Variants in TMC5 observed in about 807,000 individuals in gnomAD.
TMC5 encodes transmembrane channel-like protein 5.
Under a neutral mutation model 110.5 loss-of-function variants are expected in TMC5, and 86 were observed. The ratio of observed to expected loss-of-function variants is 0.78; its 90% CI spans 0.65 to 0.93. TMC5 has a LOEUF of 0.93. Among genes scored for constraint, TMC5 ranks in the 40% least tolerant of loss-of-function variants. TMC5 has a pLI of 0.00. For synonymous variants in TMC5, 455 were observed against 439.5 expected, an observed-to-expected ratio of 1.04 and a Z score of -0.44; for missense variants, 1,144 against 1,222.8, an observed-to-expected ratio of 0.94 and a Z score of 0.96.
chr16:19,473,183 T>A (rs2143649053), intron 11 of TMC5, among the ~76,000 whole-genome samples: 1 of 151,178 alleles, frequency 6.6e-6, no homozygotes, highest in Admixed American at 6.6e-5. Flanking sequence ...CCGTCTCTAC[T>A]AAAAATACAA....
Position 19,463,864 on chromosome 16 carries a change from T to C in TMC5, c.1325T>C (p.Phe442Ser). The C allele has an allele frequency of 6.2e-7, 1 of 1,614,210 alleles. No individual in the cohort carries two copies. The highest frequency in any genetic ancestry group is 8.5e-7 in the Non-Finnish European group (1 of 1,180,038). Residue 442 changes from phenylalanine (F) to serine (S), a missense_variant, in exon 8 of 22, where the codon TTT becomes TCT. By Grantham distance (155) the Phe-to-Ser change is radical. Transcript: ENST00000542583. ...ACGCTGAAGATCATTGGAGGCAAGT[T>C]TGGAACCAGCGTCCTCTCCTATTTC... is the stretch of plus-strand genomic sequence containing the variant. ...QKTLKIIGGK[F>S]GTSVLSYFNF...
At position 19,458,218 on chromosome 16, in the gene TMC5, G is replaced by A. The variant is rs531393426; in HGVS notation, c.1049-2017G>A. Among the ~76,000 whole-genome samples the A allele has an allele frequency of 7.2e-5, 11 of 152,062 alleles. No individual in the cohort carries two copies. The South Asian group carries it at 2.3e-3, about 32-fold the overall frequency. On this transcript the variant is annotated intron_variant, in intron 5 of 21. Transcript: ENST00000542583. ...TTCTTTTAATTTAATTTAATTTAAT[G>A]TATTTATTTGAGACAGAGTTTCACT...
rs1294856762 is a variant in TMC5, at chr16:19,497,104, GT to G, written c.2932-10del. 8.1e-6 allele frequency: 13 copies of G among 1,613,770 alleles called. No individual in the cohort carries two copies. The highest frequency in any genetic ancestry group is 1.1e-5 in the Non-Finnish European group (13 of 1,179,874). The stretch of plus-strand genomic sequence containing the variant: ...TTCTTCCTCCGTGACGTGGCTGCTT[GT>G]TTTTTTCTTTTTCAGCAACAAGGCT... On this transcript the variant is annotated splice_polypyrimidine_tract_variant and intron_variant, in intron 20 of 21. Coordinates refer to ENST00000542583, the MANE Select transcript of TMC5 (RefSeq NM_001261841.2).
chr16:19,434,395 A>ATATATCATATAGATCTATATATAATATAG (rs1567300681), intron 2 of TMC5, among the ~76,000 whole-genome samples: 6 of 6,770 alleles, frequency 8.9e-4, no homozygotes, highest in African/African-American at 3.1e-3. Flanking sequence ...ATATAGATAT[A>ATATATCATATAGATCTATATATAATATAG]ATATATATAT....
At chr16:19,489,054 C>T (rs935831769) in intron 17 of TMC5, among the ~76,000 whole-genome samples, 14 of 147,096 alleles carry the variant, frequency 9.5e-5, no homozygotes, top group Non-Finnish European at 1.8e-4. Flanking sequence ...TGCTCCACAA[C>T]GCCCTTGCTC....
intron 15 of TMC5, among the ~76,000 whole-genome samples, chr16:19,482,551 A>G (rs1968643933): frequency 6.6e-6 from 1 of 152,086 alleles, no homozygotes; most frequent in Non-Finnish European, 1.5e-5. Flanking sequence ...CACAATCTCC[A>G]CCTTTAACTG....
At chr16:19,426,935 A>C (rs1307795864) in intron 1 of TMC5, among the ~76,000 whole-genome samples, 1 of 152,144 alleles carries the variant, frequency 6.6e-6, no homozygotes, top group Non-Finnish European at 1.5e-5. Flanking sequence ...GGTTTAGTGA[A>C]TGAAAACTTC....
At chr16:19,480,528 G>A (rs1968591920) in intron 14 of TMC5, among the ~76,000 whole-genome samples, 1 of 152,036 alleles carries the variant, frequency 6.6e-6, no homozygotes, top group Non-Finnish European at 1.5e-5. Flanking sequence ...GGTTTGGCCG[G>A]GCACAGTGAC....
chr16:19,434,099 T>C (rs1477623918), intron 2 of TMC5, among the ~76,000 whole-genome samples: 1 of 24,832 alleles, frequency 4.0e-5, no homozygotes, highest in South Asian at 2.3e-3. Context: ...ATATCTATAA[T>C]ATATATATTA....
At chr16:19,465,891 G>A (rs1597196789) in intron 8 of TMC5, among the ~76,000 whole-genome samples, 191 bp from the exon 9 acceptor site, 1 of 152,296 alleles carries the variant, frequency 6.6e-6, no homozygotes, top group Non-Finnish European at 1.5e-5. Flanking sequence ...AGTTACACTG[G>A]ATTTCTTTTC....
chr16:19,440,743 A>T lies in TMC5; in HGVS notation c.705A>T (p.Pro235=), dbSNP rs2143467525. Residue 235 remains proline, a synonymous_variant, in exon 3 of 22, where the codon CCA becomes CCT. Transcript: ENST00000542583. The part of the protein sequence containing the change: ...YPSAEDNQNL[P]STWREPDYSD... ...GTGCTGAGGACAATCAGAACTTGCC[A>T]AGCACTTGGAGAGAACCTGATTATT... The T allele has an allele frequency of 1.2e-6, 2 of 1,614,170 alleles. No individual in the cohort carries two copies. The highest frequency in any genetic ancestry group is 2.2e-5 in the South Asian group (2 of 91,074).
intron 6 of TMC5, among the ~76,000 whole-genome samples, chr16:19,462,340 T>C (rs1266122357): frequency 2.0e-5 from 3 of 152,162 alleles, no homozygotes; most frequent in Admixed American, 2.0e-4. Context: ...ACTCCTTAGT[T>C]TCACAACCAG....
chr16:19,416,627 A>T (rs1442298678), upstream of TMC5, among the ~76,000 whole-genome samples: 8 of 152,208 alleles, frequency 5.3e-5, no homozygotes, highest in African/African-American at 1.9e-4. Context: ...GAGACATTAC[A>T]GTCTTAGAGT....
intron 19 of TMC5, 30 bp downstream of exon 19, chr16:19,492,258 G>A (rs199708121): frequency 9.9e-5 from 151 of 1,525,338 alleles, no homozygotes; most frequent in Middle Eastern, 5.1e-4. Flanking sequence ...TCTGATGTCC[G>A]CCCTCACCCT....
At chr16:19,463,220 T>C (rs951409832) in intron 6 of TMC5, 60 bp from the exon 7 acceptor site, 16 of 1,331,418 alleles carry the variant, frequency 1.2e-5, no homozygotes, top group Non-Finnish European at 1.6e-5. Flanking sequence ...ATGTAACTAT[T>C]TTTTGAATGA....
chr16:19,415,471 G>A (rs1200904654), upstream of TMC5, among the ~76,000 whole-genome samples: 5 of 152,072 alleles, frequency 3.3e-5, no homozygotes, highest in South Asian at 2.1e-4. Flanking sequence ...GATAGAAGCC[G>A]GACATACTGC....
chr16:19,463,823 C>T lies in TMC5; in HGVS notation c.1284C>T (p.Ile428=), dbSNP rs1188338803. The change falls in exon 8 of 22, where the codon ATC becomes ATT. Residue 428 remains isoleucine, a synonymous_variant. Transcript: ENST00000542583. ...KNSLSEILNS[I]SLWQKTLKII... is the part of the protein sequence containing the mutation. ...GCCTGTCGGAAATTCTGAATTCCAT[C>T]AGCCTGTGGCAGAAGACGCTGAAGA... The T allele has an allele frequency of 6.2e-7, 1 of 1,614,198 alleles. No homozygotes were observed. Among genetic ancestry groups the T allele is most frequent in the Non-Finnish European group, 8.5e-7 (1 of 1,180,020 alleles).
intron 2 of TMC5, among the ~76,000 whole-genome samples, chr16:19,432,399 C>G (rs1324875641): frequency 2.5e-5 from 1 of 40,090 alleles, no homozygotes; most frequent in Non-Finnish European, 4.8e-5. Context: ...TGAGGAGGTG[C>G]TAGAGAAAAA....
intron 6 of TMC5, among the ~76,000 whole-genome samples, chr16:19,460,670 G>T (rs1275888303): frequency 6.6e-6 from 1 of 152,150 alleles, no homozygotes; most frequent in Non-Finnish European, 1.5e-5. Context: ...TAAGTCATGT[G>T]ATGGGGGAAA....
Sources: allele counts gnomAD v4.1 joint callset (sites outside exome capture counted in the v4.1 genomes callset), GRCh38; gene constraint gnomAD v4.1.1; transcripts MANE v1.5; gene names NCBI Gene and HGNC (gene_info 2026-07-23, HGNC 2026-07-21).